The following MCC variants were observed in gnomAD, a reference collection of about 807,000 sequenced individuals.
The protein encoded by MCC is colorectal mutant cancer protein.
A neutral mutation model predicts 116.2 loss-of-function variants in MCC; 90 were observed. That is an observed-to-expected ratio of 0.77 (90% CI 0.65 to 0.92). The LOEUF (loss-of-function observed/expected upper bound fraction) is 0.92, where lower values mean the gene tolerates loss of function less well. Ranked by LOEUF, MCC falls within the 40% of genes least tolerant of loss-of-function variation. The pLI is 0.00. For synonymous variants in MCC, 578 were observed against 510.5 expected, an observed-to-expected ratio of 1.13 and a Z score of -1.78; for missense variants, 1,516 against 1,312.2, an observed-to-expected ratio of 1.16 and a Z score of -2.40.
chr5:113,230,037 T>C (rs1053238700), intron 3 of MCC, among the ~76,000 whole-genome samples: 3 of 152,228 alleles, frequency 2.0e-5, no homozygotes, highest in African/African-American at 7.2e-5. Context: ...AGTCAAAGGA[T>C]GGAAGCAAAT....
intron 3 of MCC, among the ~76,000 whole-genome samples, chr5:113,285,357 C>T (rs1201410476): frequency 4.6e-5 from 6 of 131,412 alleles, no homozygotes; most frequent in African/African-American, 1.7e-4. Context: ...CCCCCCACCC[C>T]CACAAAATAT....
intron 3 of MCC, among the ~76,000 whole-genome samples, chr5:113,286,183 C>CA (rs1378372697): frequency 3.9e-5 from 6 of 152,198 alleles, no homozygotes; most frequent in African/African-American, 1.2e-4. Flanking sequence ...AGGGAAGGAA[C>CA]AACTAACCTG....
rs1230401531 is a variant in MCC at position 113,172,489 on chromosome 5, TTAAGTAACCTCGTTTGACTAAA to T, written c.628-21089_628-21068del. ...ACTCTGCCATGCACATCCTCTTCTT[TTAAGTAACCTCGTTTGACTAAA>T]AAGGCTTTGGGGAGGCAAATGTGAA... On this transcript the variant is annotated intron_variant, in intron 3 of 18. Transcript: ENST00000408903. Among the ~76,000 whole-genome samples, 120 of 31,318 alleles carry T rather than the reference TTAAGTAACCTCGTTTGACTAAA, an allele frequency of 3.8e-3. 1 individual carries two copies. Among genetic ancestry groups the T allele is most frequent in the African/African-American group, 6.2e-3 (117 of 18,780 alleles). 20.5% of individuals were successfully genotyped at this position (31,318 alleles called of 152,430 possible). A position where few individuals can be genotyped will look rare whatever the true frequency, so the allele number is the denominator to read the frequency against.
chr5:113,225,715 T>C (rs1196142855), intron 3 of MCC, among the ~76,000 whole-genome samples: 1 of 152,228 alleles, frequency 6.6e-6, no homozygotes, highest in East Asian at 1.9e-4. Flanking sequence ...TGACATGTGC[T>C]GTATAGTCAC....
At chr5:113,076,826 T>A (rs1053011751) in intron 11 of MCC, among the ~76,000 whole-genome samples, 1 of 152,078 alleles carries the variant, frequency 6.6e-6, no homozygotes, top group African/African-American at 2.4e-5. Context: ...TAAATGTAAA[T>A]GGGCTAAATG....
At chr5:113,133,917 T>C (rs1487029463) in intron 5 of MCC, among the ~76,000 whole-genome samples, 1 of 152,224 alleles carries the variant, frequency 6.6e-6, no homozygotes, top group Non-Finnish European at 1.5e-5. Flanking sequence ...TCTATTCAGA[T>C]CTTTCGCTAA....
At chr5:113,138,630 T>G (rs938393677) in intron 5 of MCC, among the ~76,000 whole-genome samples, 1 of 152,210 alleles carries the variant, frequency 6.6e-6, no homozygotes, top group African/African-American at 2.4e-5. Context: ...AGCCACCTTG[T>G]CTATGATATT....
intron 3 of MCC, among the ~76,000 whole-genome samples, chr5:113,228,377 G>C (rs1729641692): frequency 6.6e-6 from 1 of 152,176 alleles, no homozygotes; most frequent in African/African-American, 2.4e-5. Flanking sequence ...GATTCAGGCA[G>C]TGGAGGGAGT....
intron 7 of MCC, 121 bp from the exon 8 acceptor site, chr5:113,102,066 A>G (rs549861107): frequency 5.6e-6 from 5 of 894,812 alleles, no homozygotes; most frequent in Non-Finnish European, 6.9e-6. Flanking sequence ...CCACTTTGTT[A>G]TAAATAGTGA....
chr5:113,143,098 T>A, intron 5 of MCC, 120 bp downstream of exon 5: 1 of 1,037,642 alleles, frequency 9.6e-7, no homozygotes, highest in South Asian at 1.8e-5. Flanking sequence ...CATTATAATC[T>A]AGTTTATAAT....
chr5:113,048,093 G>C (rs1343276363), intron 16 of MCC, among the ~76,000 whole-genome samples: 3 of 152,204 alleles, frequency 2.0e-5, no homozygotes, highest in Admixed American at 6.5e-5. Flanking sequence ...TATCAGCAGT[G>C]AGACTCCTCA....
chr5:113,138,226 A>G (rs906963446), intron 5 of MCC, among the ~76,000 whole-genome samples: 1 of 152,012 alleles, frequency 6.6e-6, no homozygotes, highest in African/African-American at 2.4e-5. Context: ...GGCTAGGCTG[A>G]TCTCAAACTC....
intron 17 of MCC, among the ~76,000 whole-genome samples, chr5:113,029,694 A>C (rs530937636): frequency 6.6e-6 from 1 of 152,330 alleles, no homozygotes; most frequent in Non-Finnish European, 1.5e-5. Flanking sequence ...AATTAGAGTC[A>C]GTTCAGGGAG....
chr5:113,259,451 C>T (rs1310436826), intron 3 of MCC, among the ~76,000 whole-genome samples: 3 of 152,074 alleles, frequency 2.0e-5, no homozygotes, highest in African/African-American at 7.2e-5. Flanking sequence ...TACAGTAAGT[C>T]AGGTAATAGA....
intron 3 of MCC, among the ~76,000 whole-genome samples, chr5:113,259,630 C>A (rs151254052): frequency 6.6e-6 from 1 of 152,190 alleles, no homozygotes; most frequent in East Asian, 1.9e-4. Context: ...CAGCAGAGTG[C>A]GGCCAGGAGA....
chr5:113,161,332 C>T (rs996021915), intron 3 of MCC, among the ~76,000 whole-genome samples: 4 of 152,160 alleles, frequency 2.6e-5, no homozygotes, highest in Middle Eastern at 3.4e-3. Context: ...GATGTGATTC[C>T]CCAGGCGGAA....
chr5:113,075,458 G>T (rs563794733), intron 11 of MCC, among the ~76,000 whole-genome samples: 1 of 152,252 alleles, frequency 6.6e-6, no homozygotes, highest in East Asian at 1.9e-4. Context: ...CTCCGCCAGC[G>T]GTCCCAGCGC....
intron 5 of MCC, among the ~76,000 whole-genome samples, chr5:113,132,471 C>A (rs1191529927): frequency 7.4e-6 from 1 of 135,418 alleles, no homozygotes; most frequent in Non-Finnish European, 1.6e-5. Flanking sequence ...CACACACACA[C>A]ACACACATAC....
intron 1 of MCC, among the ~76,000 whole-genome samples, chr5:113,479,418 C>T (rs577499039): frequency 1.0e-3 from 156 of 152,252 alleles, no homozygotes; most frequent in Non-Finnish European, 1.8e-3. Context: ...TTTGTCAAAA[C>T]TCATTGAAAT....
Sources: gnomAD v4.1 joint callset for allele counts (sites outside exome capture counted in the v4.1 genomes callset) on GRCh38, gnomAD v4.1.1 for gene constraint, MANE v1.5 for transcripts, NCBI Gene and HGNC (gene_info 2026-07-23, HGNC 2026-07-21) for gene names.